The following LRP1B variants were observed in gnomAD, a reference collection of about 807,000 sequenced individuals.
LRP1B encodes the protein LDL receptor related protein 1B.
A neutral mutation model predicts 556.6 loss-of-function variants in LRP1B; 217 were observed. The observed-to-expected ratio is 0.39, with a 90% confidence interval of 0.35 to 0.44. The LOEUF (loss-of-function observed/expected upper bound fraction) is 0.44. Ranked by LOEUF, LRP1B falls within the 20% of genes least tolerant of loss-of-function variation. The pLI is 1.00. For missense variants in LRP1B, 5,053 were observed against 5,620.8 expected, an observed-to-expected ratio of 0.90 and a Z score of 3.23; for synonymous variants, 2,047 against 1,865.8, an observed-to-expected ratio of 1.10 and a Z score of -2.50.
chr2:140,939,575 G>T (rs1327635998), intron 20 of LRP1B, among the ~76,000 whole-genome samples: 1 of 148,900 alleles, frequency 6.7e-6, no homozygotes, highest in Non-Finnish European at 1.5e-5. Flanking sequence ...TTTTATATTT[G>T]CATTTAAACT....
intron 47 of LRP1B, among the ~76,000 whole-genome samples, chr2:140,533,060 C>T (rs2104991437): frequency 6.6e-6 from 1 of 151,150 alleles, no homozygotes; most frequent in South Asian, 2.1e-4. Flanking sequence ...ATGCATTGCA[C>T]TCAATAAAGT....
intron 2 of LRP1B, among the ~76,000 whole-genome samples, chr2:141,721,565 T>C (rs556781988): frequency 2.0e-5 from 3 of 152,272 alleles, no homozygotes; most frequent in South Asian, 2.1e-4. Context: ...ATGTATTCCA[T>C]TTACAATGAA....
chr2:141,894,838 T>G (rs891801929), intron 1 of LRP1B, among the ~76,000 whole-genome samples: 12 of 151,478 alleles, frequency 7.9e-5, no homozygotes, highest in Admixed American at 7.9e-4. Context: ...TCACTTTAAG[T>G]TGGGAGTTCG....
At chr2:141,641,702 C>T (rs1689343892) in intron 2 of LRP1B, among the ~76,000 whole-genome samples, 1 of 152,082 alleles carries the variant, frequency 6.6e-6, no homozygotes, top group Non-Finnish European at 1.5e-5. Flanking sequence ...CTAATATTAC[C>T]AGACTGCAAA....
chr2:141,845,229 C>CT (rs1697606618), intron 1 of LRP1B, among the ~76,000 whole-genome samples: 1 of 151,624 alleles, frequency 6.6e-6, no homozygotes, highest in African/African-American at 2.4e-5. Context: ...ATATCACAGT[C>CT]TTTTTTCCCA....
chr2:141,916,788 G>T (rs559566971), intron 1 of LRP1B, among the ~76,000 whole-genome samples: 1 of 152,150 alleles, frequency 6.6e-6, no homozygotes, highest in East Asian at 1.9e-4. Flanking sequence ...GAGAGAGGAC[G>T]GAAAGGGTTG....
intron 84 of LRP1B, among the ~76,000 whole-genome samples, chr2:140,290,970 T>C (rs1193810426): frequency 1.3e-5 from 2 of 152,068 alleles, no homozygotes; most frequent in East Asian, 1.9e-4. Flanking sequence ...CTCATGTTGT[T>C]GGCACTTGCA....
chr2:141,452,712 T>G (rs1048407616), intron 3 of LRP1B, among the ~76,000 whole-genome samples: 1 of 152,200 alleles, frequency 6.6e-6, no homozygotes, highest in African/African-American at 2.4e-5. Context: ...GTTTGCTTGT[T>G]TGTAGCTATT....
intron 1 of LRP1B, among the ~76,000 whole-genome samples, chr2:142,095,276 C>T (rs896939933): frequency 6.6e-6 from 1 of 151,432 alleles, no homozygotes; most frequent in Middle Eastern, 3.2e-3. Context: ...CTACGGTATA[C>T]TCTTTAGCAC....
intron 3 of LRP1B, among the ~76,000 whole-genome samples, chr2:141,478,634 C>G (rs866861984): frequency 6.6e-6 from 1 of 151,992 alleles, no homozygotes; most frequent in Middle Eastern, 3.4e-3. Context: ...ACCTCTGCCT[C>G]CTGGGTTCAA....
chr2:140,921,461 C>T (rs62173657), intron 21 of LRP1B, among the ~76,000 whole-genome samples: 11,920 of 151,862 alleles, frequency 0.078, 559 homozygotes, highest in Non-Finnish European at 0.11. Flanking sequence ...TATGTTAACT[C>T]GAGTCAAATA....
intron 22 of LRP1B, among the ~76,000 whole-genome samples, chr2:140,905,923 C>T (rs75170064): frequency 1.2e-4 from 19 of 152,108 alleles, no homozygotes; most frequent in East Asian, 3.9e-4. Flanking sequence ...AGTGCAAATC[C>T]GTTTCTTTTG....
At chr2:141,306,846 T>A (rs1216596836) in intron 3 of LRP1B, among the ~76,000 whole-genome samples, 1 of 152,152 alleles carries the variant, frequency 6.6e-6, no homozygotes. Flanking sequence ...TATTTTCTCC[T>A]TAATTTTGCC....
At chr2:141,590,211 G>A (rs1687287474) in intron 2 of LRP1B, among the ~76,000 whole-genome samples, 1 of 152,102 alleles carries the variant, frequency 6.6e-6, no homozygotes, top group African/African-American at 2.4e-5. Flanking sequence ...GCTTTTCACT[G>A]ACATAATGAG....
At chr2:140,369,750 T>C (rs1682912299) in intron 71 of LRP1B, among the ~76,000 whole-genome samples, 2 of 151,836 alleles carry the variant, frequency 1.3e-5, no homozygotes, top group South Asian at 4.1e-4. Flanking sequence ...ACATCTGAAA[T>C]AATATTAAAG....
intron 3 of LRP1B, among the ~76,000 whole-genome samples, chr2:141,274,146 T>C (rs1048698008): frequency 2.0e-5 from 3 of 152,198 alleles, no homozygotes; most frequent in Non-Finnish European, 2.9e-5. Context: ...TTGGAACCCA[T>C]GTTGGCAGTT....
At chr2:141,610,945 C>T (rs1688087519) in intron 2 of LRP1B, among the ~76,000 whole-genome samples, 1 of 152,150 alleles carries the variant, frequency 6.6e-6, no homozygotes, top group South Asian at 2.1e-4. Flanking sequence ...TAGCAGTAAG[C>T]TGCAGCATTA....
At chr2:142,102,911 C>A (rs1275020889) in intron 1 of LRP1B, among the ~76,000 whole-genome samples, 2 of 151,776 alleles carry the variant, frequency 1.3e-5, no homozygotes, top group African/African-American at 4.8e-5. Flanking sequence ...GTTGGTTAAG[C>A]ACTATTTTAA....
At chr2:141,267,843 T>C (rs1684947915) in intron 3 of LRP1B, among the ~76,000 whole-genome samples, 1 of 152,128 alleles carries the variant, frequency 6.6e-6, no homozygotes, top group South Asian at 2.1e-4. Flanking sequence ...AGGAATATAA[T>C]AGGATGGAGG....
Sources: gnomAD v4.1 joint callset for allele counts (sites outside exome capture counted in the v4.1 genomes callset) on GRCh38, gnomAD v4.1.1 for gene constraint, MANE v1.5 for transcripts, NCBI Gene and HGNC (gene_info 2026-07-23, HGNC 2026-07-21) for gene names.